The following CMSS1 variants were observed in gnomAD, a reference collection of about 807,000 sequenced individuals.
CMSS1 encodes protein CMSS1.
CMSS1 carries 33 observed loss-of-function variants against 43.5 expected under a neutral mutation model. The observed-to-expected ratio is 0.76, with a 90% confidence interval of 0.57 to 1.01. The LOEUF (loss-of-function observed/expected upper bound fraction) is 1.01. Ranked by LOEUF, CMSS1 falls within the 50% of genes least tolerant of loss-of-function variation. CMSS1 has a pLI of 0.00. For missense variants in CMSS1, 313 were observed against 326.4 expected (o/e 0.96, Z 0.32); for synonymous variants, 115 against 117.2 (o/e 0.98, Z 0.12).
At chr3:99,835,929 T>C (rs1222964601) in intron 1 of CMSS1, among the ~76,000 whole-genome samples, 1 of 152,118 alleles carries the variant, frequency 6.6e-6, no homozygotes, top group Non-Finnish European at 1.5e-5. Context: ...AACAGCATGA[T>C]CAAAGGTAAG....
intron 1 of CMSS1, among the ~76,000 whole-genome samples, chr3:99,961,638 A>C (rs886838470): frequency 6.6e-6 from 1 of 152,046 alleles, no homozygotes; most frequent in African/African-American, 2.4e-5. Flanking sequence ...GGGAACCGAT[A>C]CCTTTGGCCC....
chr3:99,876,235 G>T (rs1410604622), intron 1 of CMSS1: 1 of 984,898 alleles, frequency 1.0e-6, no homozygotes, highest in African/African-American at 1.7e-5. Context: ...CTTATAAGGC[G>T]CTCCGCGTGT....
At chr3:99,927,318 A>C (rs1267335137) in intron 1 of CMSS1, among the ~76,000 whole-genome samples, 1 of 151,194 alleles carries the variant, frequency 6.6e-6, no homozygotes, top group Non-Finnish European at 1.5e-5. Context: ...TAATACTGAG[A>C]CTCTTTTATT....
chr3:100,101,875 G>GT (rs1456203359), intron 1 of CMSS1, among the ~76,000 whole-genome samples: 2 of 151,924 alleles, frequency 1.3e-5, no homozygotes, highest in Admixed American at 6.6e-5. Context: ...GCAGTGTTTG[G>GT]TTTTTTGTCC....
At chr3:100,123,926 A>T (rs1576087711) in intron 1 of CMSS1, among the ~76,000 whole-genome samples, 1 of 152,202 alleles carries the variant, frequency 6.6e-6, no homozygotes, top group East Asian at 1.9e-4. Context: ...TATTCATTAC[A>T]TTAACTTCAC....
intron 1 of CMSS1, chr3:99,924,407 A>C (rs749754555): frequency 6.2e-7 from 1 of 1,613,696 alleles, no homozygotes. Context: ...AACTTTGTCC[A>C]ACTACGAAAG....
intron 1 of CMSS1, chr3:99,850,142 T>C: frequency 6.2e-7 from 1 of 1,611,682 alleles, no homozygotes; most frequent in African/African-American, 1.3e-5. Context: ...TCAGTTTTCT[T>C]TAATTTTTCA....
intron 1 of CMSS1, among the ~76,000 whole-genome samples, chr3:99,846,621 T>C (rs1194798193): frequency 1.3e-5 from 2 of 152,214 alleles, no homozygotes; most frequent in East Asian, 1.9e-4. Context: ...TCAGCTTTCA[T>C]CCAAATTTAT....
chr3:99,952,700 A>C (rs780520372), intron 1 of CMSS1, among the ~76,000 whole-genome samples: 1 of 152,194 alleles, frequency 6.6e-6, no homozygotes, highest in Non-Finnish European at 1.5e-5. Flanking sequence ...TATATTTTTA[A>C]ATAATATCTA....
At chr3:100,075,523 T>G (rs1210221440) in intron 1 of CMSS1, 1 of 152,136 alleles carries the variant, frequency 6.6e-6, no homozygotes, top group Non-Finnish European at 1.5e-5. Context: ...GGGTTTTTGC[T>G]TTTTACTTCA....
intron 1 of CMSS1, chr3:99,850,490 A>C (rs773046692): frequency 4.3e-6 from 7 of 1,613,442 alleles, no homozygotes; most frequent in Non-Finnish European, 5.9e-6. Flanking sequence ...AGATCTCTGC[A>C]CTGCTCCTCC....
Position 99,930,789 on chromosome 3 carries a change from T to C in CMSS1, c.64+112746T>C, listed in dbSNP as rs370095821. On this transcript the variant is annotated intron_variant, in intron 1 of 9. Coordinates refer to ENST00000421999, the MANE Select transcript of CMSS1 (RefSeq NM_032359.4). ...CTGACCTGCAGTTCTCCCTCCAGAA[T>C]GCTGAGGAGAAATAACAGGTCATCT... The C allele has an allele frequency of 1.9e-6, 3 of 1,613,198 alleles. No individual in the cohort carries two copies. The African/African-American group carries it at 4.0e-5, about 22-fold the overall frequency.
At chr3:100,083,553 G>C (rs996750825) in intron 1 of CMSS1, among the ~76,000 whole-genome samples, 2 of 152,168 alleles carry the variant, frequency 1.3e-5, no homozygotes, top group Admixed American at 1.3e-4. Context: ...TCTTGTCTCT[G>C]ATGCCATGAA....
intron 1 of CMSS1, among the ~76,000 whole-genome samples, chr3:100,096,577 G>A (rs1287471786): frequency 6.6e-6 from 1 of 152,000 alleles, no homozygotes; most frequent in Non-Finnish European, 1.5e-5. Context: ...TTGAACACAT[G>A]TTGATGGAGA....
intron 1 of CMSS1, among the ~76,000 whole-genome samples, chr3:100,014,419 C>T (rs1276851028): frequency 5.3e-5 from 8 of 151,918 alleles, no homozygotes; most frequent in Non-Finnish European, 1.2e-4. Context: ...AACCTGCAGA[C>T]TTATTTTCTG....
chr3:100,139,259 T>C (rs529610210), intron 1 of CMSS1, among the ~76,000 whole-genome samples: 2 of 152,172 alleles, frequency 1.3e-5, no homozygotes, highest in South Asian at 2.1e-4. Flanking sequence ...CCATGGCACA[T>C]GTATACCTAT....
At chr3:99,966,416 A>G (rs574762468) in intron 1 of CMSS1, among the ~76,000 whole-genome samples, 1 of 152,106 alleles carries the variant, frequency 6.6e-6, no homozygotes, top group South Asian at 2.1e-4. Flanking sequence ...TTTCGGCTAT[A>G]TATAGTTTTA....
Position 100,167,756 on chromosome 3 carries a change from A to C in CMSS1, c.434A>C (p.Lys145Thr), listed in dbSNP as rs2067076793. ...TTTCCAGTTTGTCCTAAGTGGGTAA[A>C]ACTTAGGAAGAACCACAGTGAGAAG... is the stretch of plus-strand genomic sequence containing the variant. ...YLKEICPKWV[K>T]LRKNHSEKKS... Residue 145 changes from lysine (K) to threonine (T), a missense_variant, in exon 6 of 10, where the codon AAA (lysine) becomes ACA (threonine). Physicochemically the swap from Lys to Thr is moderately conservative, Grantham distance 78. Transcript: ENST00000421999. The C allele has an allele frequency of 1.2e-6, 2 of 1,612,102 alleles. No individual in the cohort carries two copies. The highest frequency in any genetic ancestry group is 2.7e-5 in the African/African-American group (2 of 74,886).
intron 1 of CMSS1, among the ~76,000 whole-genome samples, chr3:99,847,485 T>C (rs812657): frequency 0.74 from 112,138 of 152,004 alleles, 42,044 homozygotes; most frequent in African/African-American, 0.88. Flanking sequence ...GATTTGTCAA[T>C]GTAACTATAT....
Sources: gnomAD v4.1 joint callset for allele counts (sites outside exome capture counted in the v4.1 genomes callset) on GRCh38, gnomAD v4.1.1 for gene constraint, MANE v1.5 for transcripts, NCBI Gene and HGNC (gene_info 2026-07-23, HGNC 2026-07-21) for gene names.